Variants in F13B observed in about 807,000 individuals in gnomAD.
F13B encodes the protein coagulation factor XIII B chain, also known as TGase.
A neutral mutation model predicts 79.8 loss-of-function variants in F13B; 58 were observed. That is an observed-to-expected ratio of 0.73 (90% CI 0.59 to 0.90). F13B has a LOEUF of 0.90. Among genes scored for constraint, F13B ranks in the 40% least tolerant of loss-of-function variants. The probability of loss-of-function intolerance (pLI) is 0.00; values close to 1 mark genes in which losing one functional copy is unlikely to be tolerated. For synonymous variants in F13B, 283 were observed against 260.3 expected, an observed-to-expected ratio of 1.09 and a Z score of -0.84; for missense variants, 773 against 777.0, an observed-to-expected ratio of 0.99 and a Z score of 0.06.
rs969352952 is a variant in F13B, at chr1:197,055,813, G to A, written c.1256C>T (p.Ser419Phe). The stretch of plus-strand genomic sequence containing the variant: ...TTCATTGCATCTATATTCCACTGAG[G>A]ATCCTGTTGCATAGCTTGCCAATAT... ...DGILASYATG[S>F]SVEYRCNEYY... Residue 419 changes from serine to phenylalanine, a missense_variant, in exon 8 of 12, where the codon TCC becomes TTC. Physicochemically the swap from Ser to Phe is radical, Grantham distance 155. Transcript: ENST00000367412. 6.2e-7 allele frequency: 1 copy of A among 1,613,438 alleles called. No homozygotes were observed. The highest frequency in any genetic ancestry group is 8.5e-7 in the Non-Finnish European group (1 of 1,179,724).
intron 10 of F13B, among the ~76,000 whole-genome samples, chr1:197,049,855 T>G (rs1655375594): frequency 6.6e-6 from 1 of 152,132 alleles, no homozygotes; most frequent in African/African-American, 2.4e-5. Flanking sequence ...GGGAATAGAA[T>G]CATGCTTTAA....
At position 197,061,880 on chromosome 1, in the gene F13B, C is replaced by T. The variant is rs778659939; in HGVS notation, c.355G>A (p.Ala119Thr). 1.8e-5 allele frequency: 29 copies of T among 1,613,138 alleles called. No individual in the cohort carries two copies. The highest frequency in any genetic ancestry group is 5.5e-5 in the South Asian group (5 of 91,052). Residue 119 changes from alanine to threonine, a missense_variant, in exon 3 of 12, where the codon GCT becomes ACT. By Grantham distance (58) the Ala-to-Thr change is moderately conservative. Coordinates refer to ENST00000367412, the MANE Select transcript of F13B (RefSeq NM_001994.3). ...CCTCCAGTGGTTTTGTACCCTGAAG[C>T]GCAACCATAACGCATGTTCTCTTGA... ...KIQENMRYGC[A>T]SGYKTTGGKD...
chr1:197,061,063 GC>G lies in F13B; in HGVS notation c.463del (p.Ala155LeufsTer18). The G allele has an allele frequency of 6.6e-7, 1 of 1,510,766 alleles. No individual in the cohort carries two copies. Among genetic ancestry groups the G allele is most frequent in the African/African-American group, 1.4e-5 (1 of 72,952 alleles). The allele number at this position is 1,510,766 out of a possible 1,614,324, so 93.6% of individuals were successfully genotyped here. On this transcript the variant is annotated frameshift_variant, in exon 4 of 12. Coordinates refer to ENST00000367412, the MANE Select transcript of F13B (RefSeq NM_001994.3). LOFTEE classifies it high-confidence loss of function. ...TCRKEHETCLAPELYNGNYST... is the reference protein window; with the variant it reads ...TCRKEHETCLXPELYNGNYST... ...ATAATTTCCATTATATAATTCAGGAGCCAAACATGTTTCTAAAATTATAAAA... is the reference window on the plus strand; with the variant it reads ...ATAATTTCCATTATATAATTCAGGAGCAAACATGTTTCTAAAATTATAAAA...
At chr1:197,054,501 C>G (rs1182953210) in intron 8 of F13B, among the ~76,000 whole-genome samples, 2 of 151,848 alleles carry the variant, frequency 1.3e-5, no homozygotes, top group Non-Finnish European at 1.5e-5. Flanking sequence ...TTAAAACATA[C>G]ACTTATATAT....
chr1:197,052,609 C>G, intron 9 of F13B, 25 bp downstream of exon 9: 1 of 1,550,150 alleles, frequency 6.5e-7, no homozygotes, highest in Non-Finnish European at 8.9e-7. Context: ...AGTAAAGATA[C>G]TTGCAGAGAA....
chr1:197,057,557 G>T, intron 5 of F13B, 92 bp from the exon 6 acceptor site: 1 of 1,320,622 alleles, frequency 7.6e-7, no homozygotes, highest in Non-Finnish European at 1.1e-6. Flanking sequence ...AAGCATCATA[G>T]AGAGAATGGC....
intron 10 of F13B, among the ~76,000 whole-genome samples, chr1:197,048,132 T>TTATATATATATATGTGTA (rs1655302052): frequency 6.7e-6 from 1 of 149,322 alleles, no homozygotes; most frequent in Non-Finnish European, 1.5e-5. Flanking sequence ...ACTTAAAATA[T>TTATATATATATATGTGTA]TATATATATA....
chr1:197,048,071 C>G (rs1655299664), intron 10 of F13B, among the ~76,000 whole-genome samples: 1 of 151,834 alleles, frequency 6.6e-6, no homozygotes, highest in African/African-American at 2.4e-5. Flanking sequence ...ACCAACATGG[C>G]ACATGTATAC....
intron 10 of F13B, among the ~76,000 whole-genome samples, chr1:197,045,614 T>G (rs1655200345): frequency 6.6e-6 from 1 of 152,194 alleles, no homozygotes; most frequent in Non-Finnish European, 1.5e-5. Context: ...CTTCTGAAAC[T>G]ATTCCAATCA....
chr1:197,046,225 G>A (rs1655224622), intron 10 of F13B, among the ~76,000 whole-genome samples: 1 of 152,138 alleles, frequency 6.6e-6, no homozygotes, highest in South Asian at 2.1e-4. Context: ...AATTCAAATT[G>A]TCCCTGTTTG....
intron 7 of F13B, among the ~76,000 whole-genome samples, chr1:197,056,700 A>G (rs1373571442): frequency 1.3e-5 from 2 of 152,212 alleles, no homozygotes; most frequent in Admixed American, 6.6e-5. Flanking sequence ...AATGAAGCAC[A>G]TCGTCATTTA....
rs1335929001 is a variant in F13B at position 197,050,890 on chromosome 1, A to T, written c.1556-11T>A. On this transcript the variant is annotated splice_polypyrimidine_tract_variant and intron_variant, in intron 9 of 11. Coordinates refer to ENST00000367412, the MANE Select transcript of F13B (RefSeq NM_001994.3). ...ACATTCCTTTAGATTCTGCAAAAATAAGTTTTAAAGTATACAATGAATTGC... is the reference window on the plus strand; with the variant it reads ...ACATTCCTTTAGATTCTGCAAAAATTAGTTTTAAAGTATACAATGAATTGC... 6.2e-7 allele frequency: 1 copy of T among 1,607,188 alleles called. No individual in the cohort carries two copies. Among genetic ancestry groups the T allele is most frequent in the African/African-American group, 1.3e-5 (1 of 74,874 alleles).
chr1:197,050,867 A>G lies in F13B; in HGVS notation c.1568T>C (p.Met523Thr), dbSNP rs776673135. The change falls in exon 10 of 12, where the codon ATG becomes ACG. Residue 523 changes from methionine to threonine, a missense_variant. By Grantham distance (81) the Met-to-Thr change is moderately conservative. Transcript: ENST00000367412. ...TTTAATAAGAGGAGGAGATGTGCAC[A>G]TTCCTTTAGATTCTGCAAAAATAAG... ...PLCTRKESKG[M>T]CTSPPLIKHG... is the part of the protein sequence containing the mutation. 12 of 1,612,862 alleles carry G rather than the reference A, an allele frequency of 7.4e-6. No homozygotes were observed. The highest frequency in any genetic ancestry group is 6.8e-6 in the Non-Finnish European group (8 of 1,179,298).
At chr1:197,050,350 A>G (rs1355344711) in intron 10 of F13B, among the ~76,000 whole-genome samples, 1 of 152,050 alleles carries the variant, frequency 6.6e-6, no homozygotes. Flanking sequence ...TTATTTCCGC[A>G]TTGTTTTCTA....
intron 7 of F13B, 116 bp downstream of exon 7, chr1:197,056,897 G>T: frequency 1.0e-6 from 1 of 961,168 alleles, no homozygotes; most frequent in Non-Finnish European, 1.6e-6. Context: ...CTGTAGCAAT[G>T]TGTTTCTAAT....
chr1:197,052,754 C>T lies in F13B; in HGVS notation c.1435G>A (p.Gly479Arg), dbSNP rs1172703479. The T allele has an allele frequency of 1.2e-6, 2 of 1,611,074 alleles. No homozygotes were observed. Among genetic ancestry groups the T allele is most frequent in the Non-Finnish European group, 1.7e-6 (2 of 1,178,352 alleles). The change falls in exon 9 of 12, where the codon GGA (glycine) becomes AGA (arginine). Residue 479 changes from glycine to arginine, a missense_variant. Gly to Arg is a moderately radical substitution (Grantham distance 125). Transcript: ENST00000367412. ...KWKYEGKVLH[G>R]DLIDFVCKQG... ...TTACATACAAAATCTATTAAATCTC[C>T]ATGTAAGACTTTCCCTTCATATTTC...
intron 5 of F13B, among the ~76,000 whole-genome samples, chr1:197,057,697 G>A (rs1046607771): frequency 6.6e-6 from 1 of 152,074 alleles, no homozygotes; most frequent in Non-Finnish European, 1.5e-5. Context: ...TGATGGATTA[G>A]TACGTGATTA....
chr1:197,058,716 G>A (rs1307052073), intron 5 of F13B, among the ~76,000 whole-genome samples: 1 of 152,062 alleles, frequency 6.6e-6, no homozygotes, highest in African/African-American at 2.4e-5. Flanking sequence ...TAACCTCAAA[G>A]TGTCTTGTAC....
chr1:197,040,572 C>A lies in F13B; in HGVS notation c.1902G>T (p.Met634Ile). 1 of 1,612,876 alleles carries A rather than the reference C, an allele frequency of 6.2e-7. No homozygotes were observed. Among genetic ancestry groups the A allele is most frequent in the East Asian group, 2.2e-5 (1 of 44,774 alleles). The change falls in exon 11 of 12, where the codon ATG (methionine) becomes ATT (isoleucine). Residue 634 changes from methionine to isoleucine, a missense_variant. Transcript: ENST00000367412. ...ATTTTAACTGCCCTCTGTCACATTG[C>A]ATTCTAAGTATAGATCCAGTAATAT... ...ELYITGSILR[M>I]QCDRGQLKYP...
Sources: gnomAD v4.1 joint callset for allele counts (sites outside exome capture counted in the v4.1 genomes callset) on GRCh38, gnomAD v4.1.1 for gene constraint, MANE v1.5 for transcripts, NCBI Gene and HGNC (gene_info 2026-07-23, HGNC 2026-07-21) for gene names.